The following PRKG1 variants were observed in gnomAD, a reference collection of about 807,000 sequenced individuals.
PRKG1 encodes cGMP-dependent protein kinase 1.
PRKG1 carries 35 observed loss-of-function variants against 88.1 expected under a neutral mutation model. That is an observed-to-expected ratio of 0.40 (90% CI 0.30 to 0.53). The LOEUF (loss-of-function observed/expected upper bound fraction) is 0.53, where lower values mean the gene tolerates loss of function less well. PRKG1 is among the 20% of genes least tolerant of loss of function. The probability of loss-of-function intolerance (pLI) is 0.59; values close to 1 mark genes in which losing one functional copy is unlikely to be tolerated. For missense variants in PRKG1, 540 were observed against 839.8 expected, an observed-to-expected ratio of 0.64 and a Z score of 4.41; for synonymous variants, 303 against 292.5, an observed-to-expected ratio of 1.04 and a Z score of -0.37.
At chr10:51,118,771 T>C (rs1028985117) in intron 1 of PRKG1, among the ~76,000 whole-genome samples, 1 of 152,150 alleles carries the variant, frequency 6.6e-6, no homozygotes, top group Non-Finnish European at 1.5e-5. Context: ...ATATTCTATT[T>C]AATTTACAGT....
At chr10:52,243,672 G>A (rs1840925549) in intron 9 of PRKG1, among the ~76,000 whole-genome samples, 1 of 152,006 alleles carries the variant, frequency 6.6e-6, no homozygotes, top group Admixed American at 6.6e-5. Context: ...ATCAGCAGCT[G>A]GTTTACCCAG....
At chr10:51,561,841 G>T (rs532031756) in intron 3 of PRKG1, among the ~76,000 whole-genome samples, 23 of 152,074 alleles carry the variant, frequency 1.5e-4, no homozygotes, top group African/African-American at 5.3e-4. Context: ...GAGAGTGATT[G>T]GTCTAAACTG....
chr10:51,893,921 T>G (rs1000092116), intron 4 of PRKG1, among the ~76,000 whole-genome samples: 4 of 152,114 alleles, frequency 2.6e-5, no homozygotes, highest in Admixed American at 6.6e-5. Flanking sequence ...TTCAATGAAT[T>G]TATATATTAG....
At chr10:52,110,616 C>G (rs1341752651) in intron 7 of PRKG1, among the ~76,000 whole-genome samples, 1 of 152,020 alleles carries the variant, frequency 6.6e-6, no homozygotes, top group African/African-American at 2.4e-5. Context: ...TCTGGGAGAT[C>G]CAGTTTGCTT....
At chr10:51,467,360 C>T (rs1008244748) in intron 2 of PRKG1, among the ~76,000 whole-genome samples, 4 of 151,910 alleles carry the variant, frequency 2.6e-5, no homozygotes, top group African/African-American at 7.2e-5. Flanking sequence ...ATGAAGTGTG[C>T]TGTAGAAAAT....
At chr10:51,297,724 A>G (rs1162986658) in intron 2 of PRKG1, among the ~76,000 whole-genome samples, 1 of 152,080 alleles carries the variant, frequency 6.6e-6, no homozygotes, top group Non-Finnish European at 1.5e-5. Context: ...CTGCATTACT[A>G]TGTAGGTTTT....
chr10:51,262,043 T>C (rs974130792), intron 2 of PRKG1, among the ~76,000 whole-genome samples: 4 of 151,784 alleles, frequency 2.6e-5, no homozygotes, highest in Admixed American at 2.6e-4. Flanking sequence ...CCCGCCACTA[T>C]GCCCGGCTAA....
At chr10:51,193,959 A>C (rs1013180129) in intron 2 of PRKG1, among the ~76,000 whole-genome samples, 1 of 152,170 alleles carries the variant, frequency 6.6e-6, no homozygotes, top group African/African-American at 2.4e-5. Flanking sequence ...TTGCTGGGGC[A>C]GGTCAGGAAC....
intron 8 of PRKG1, among the ~76,000 whole-genome samples, chr10:52,138,141 C>T (rs922475689): frequency 1.3e-5 from 2 of 151,958 alleles, no homozygotes; most frequent in Non-Finnish European, 1.5e-5. Context: ...AAATAGCACT[C>T]GTCTGAGATC....
rs535473476 is a variant in PRKG1 at position 51,423,830 on chromosome 10, G to A, written c.479-43893G>A. ...ATTATTTTTTATTTAAAATATGTTG[G>A]CCAAAAGCAGATTTTAGAAATAAAT... is the stretch of plus-strand genomic sequence containing the variant. On this transcript the variant is annotated intron_variant, in intron 2 of 17. Transcript: ENST00000373980. Among the ~76,000 whole-genome samples, 13 of 152,030 alleles carry A rather than the reference G, an allele frequency of 8.6e-5. No homozygotes were observed. In the South Asian group the frequency reaches 2.5e-3, roughly 29 times the overall value.
chr10:51,360,876 A>G (rs1302312575), intron 2 of PRKG1, among the ~76,000 whole-genome samples: 1 of 151,792 alleles, frequency 6.6e-6, no homozygotes, highest in Non-Finnish European at 1.5e-5. Flanking sequence ...GAACAAGTCA[A>G]TTTGCTATGT....
intron 5 of PRKG1, among the ~76,000 whole-genome samples, chr10:52,012,085 C>G (rs550670212): frequency 6.6e-6 from 1 of 152,266 alleles, no homozygotes; most frequent in South Asian, 2.1e-4. Flanking sequence ...TAATACACCT[C>G]TCTTTCACTC....
At chr10:51,807,217 A>G (rs1387136952) in intron 4 of PRKG1, among the ~76,000 whole-genome samples, 1 of 152,166 alleles carries the variant, frequency 6.6e-6, no homozygotes, top group Non-Finnish European at 1.5e-5. Flanking sequence ...AATTTTCAGC[A>G]CTCATTGAAG....
chr10:52,067,480 A>G (rs1846381941), intron 7 of PRKG1, among the ~76,000 whole-genome samples: 1 of 152,216 alleles, frequency 6.6e-6, no homozygotes, highest in Non-Finnish European at 1.5e-5. Flanking sequence ...GCCGAAATGT[A>G]AACTCAACAC....
intron 5 of PRKG1, among the ~76,000 whole-genome samples, chr10:51,918,463 T>C (rs1842393524): frequency 6.6e-6 from 1 of 152,160 alleles, no homozygotes; most frequent in Admixed American, 6.5e-5. Flanking sequence ...GACATTTTAT[T>C]GCCAGAATAT....
intron 4 of PRKG1, among the ~76,000 whole-genome samples, chr10:51,862,946 A>T (rs1840922586): frequency 6.6e-6 from 1 of 152,172 alleles, no homozygotes; most frequent in Admixed American, 6.5e-5. Flanking sequence ...TTTTCATTAT[A>T]TTACTGATAG....
chr10:51,056,399 G>C (rs930394965), intron 1 of PRKG1, among the ~76,000 whole-genome samples: 2 of 152,224 alleles, frequency 1.3e-5, no homozygotes, highest in South Asian at 4.2e-4. Context: ...ACTGTTAAAC[G>C]TGCAGCAGTT....
chr10:51,011,328 G>A (rs1200183809), intron 1 of PRKG1, among the ~76,000 whole-genome samples: 1 of 152,016 alleles, frequency 6.6e-6, no homozygotes, highest in East Asian at 1.9e-4. Flanking sequence ...ACCAGTAACA[G>A]CCCTCCTGAC....
At chr10:52,231,597 A>G (rs1455641929) in intron 9 of PRKG1, among the ~76,000 whole-genome samples, 5 of 152,226 alleles carry the variant, frequency 3.3e-5, no homozygotes, top group Admixed American at 2.0e-4. Context: ...GCTAGGTAAC[A>G]AATTTCATTC....
Sources: allele counts gnomAD v4.1 joint callset (sites outside exome capture counted in the v4.1 genomes callset), GRCh38; gene constraint gnomAD v4.1.1; transcripts MANE v1.5; gene names NCBI Gene and HGNC (gene_info 2026-07-23, HGNC 2026-07-21).